SH3RF2: variants seen among roughly 807,000 people sequenced by gnomAD.
The protein encoded by SH3RF2 is SH3 domain containing ring finger 2.
In SH3RF2, 43 loss-of-function variants were observed where a neutral mutation model predicts 59.0. The observed-to-expected ratio is 0.73, with a 90% CI of 0.57 to 0.94. The LOEUF (loss-of-function observed/expected upper bound fraction) is 0.94. Among genes scored for constraint, SH3RF2 ranks in the 40% least tolerant of loss-of-function variants. The pLI is 0.00. For synonymous variants in SH3RF2, 391 were observed against 391.5 expected (o/e 1.00, Z 0.01); for missense variants, 930 against 940.1 (o/e 0.99, Z 0.14).
chr5:146,063,071 C>T lies in SH3RF2; in HGVS notation c.*370C>T, dbSNP rs1225366759. 17 of 222,260 alleles carry T rather than the reference C, an allele frequency of 7.6e-5. No homozygotes were observed. Among genetic ancestry groups the T allele is most frequent in the Admixed American group, 2.2e-4 (4 of 18,284 alleles). The allele number at this position is 222,260 out of a possible 1,614,324, so 13.8% of individuals were successfully genotyped here. On this transcript the variant is annotated 3_prime_UTR_variant, in exon 10 of 10. Coordinates refer to ENST00000359120, the MANE Select transcript of SH3RF2 (RefSeq NM_152550.4). ...GGGGGCTGCAGCAGGGGTGTGACAA[C>T]GGTGGGATTGTTGGCGTTGCTTCTT...
At chr5:145,973,933 G>A (rs960220741) in intron 2 of SH3RF2, among the ~76,000 whole-genome samples, 3 of 152,178 alleles carry the variant, frequency 2.0e-5, no homozygotes, top group African/African-American at 7.2e-5. Flanking sequence ...CACAAATTTA[G>A]AGGCATAAAA....
In SH3RF2 at chr5:145,998,961, A is replaced by G. The variant is rs138610526; in HGVS notation, c.379-1097A>G. On this transcript the variant is annotated intron_variant, in intron 2 of 9. Coordinates refer to ENST00000359120, the MANE Select transcript of SH3RF2 (RefSeq NM_152550.4). ...TGTTTACACTATGCTGTAGTCTATT[A>G]AGTGTGCAATAGCATTATGCCTAAA... is the stretch of plus-strand genomic sequence containing the variant. Among the ~76,000 whole-genome samples, 1,073 of 152,046 alleles carry G rather than the reference A, an allele frequency of 7.1e-3. 16 individuals carry two copies. Among genetic ancestry groups the G allele is most frequent in the African/African-American group, 0.025 (1,032 of 41,322 alleles).
At chr5:146,079,293 A>G (rs982178264) in exon 10 of SH3RF2, 2 of 152,156 alleles carry the variant, frequency 1.3e-5, no homozygotes, top group African/African-American at 4.8e-5. Context: ...CTTGTTTTTA[A>G]AAAAAAGACT....
In SH3RF2 at chr5:145,976,767, G is replaced by A. The variant is rs143695025; in HGVS notation, c.379-23291G>A. On this transcript the variant is annotated intron_variant, in intron 2 of 9. Coordinates refer to ENST00000359120, the MANE Select transcript of SH3RF2 (RefSeq NM_152550.4). ...CAAAATCTTGCATGCCTAAGCCATC[G>A]ATTAATAGCTGGGCTTACTAGCCAG... 1.3e-3 allele frequency among the ~76,000 whole-genome samples: 191 copies of A among 152,316 alleles called. 1 individual carries two copies. The highest frequency in any genetic ancestry group is 4.5e-3 in the African/African-American group (188 of 41,558).
chr5:146,027,649 A>G (rs534735179), intron 5 of SH3RF2, among the ~76,000 whole-genome samples: 1 of 152,354 alleles, frequency 6.6e-6, no homozygotes, highest in South Asian at 2.1e-4. Flanking sequence ...TATGTAATGG[A>G]GGGTCCACCT....
intron 5 of SH3RF2, among the ~76,000 whole-genome samples, chr5:146,024,418 TTCCTTA>T (rs1289258638): frequency 2.0e-5 from 3 of 152,280 alleles, no homozygotes; most frequent in Admixed American, 6.5e-5. Context: ...ATCATCGGGT[TTCCTTA>T]TTATTATTGA....
At chr5:146,024,959 G>T (rs1047567267) in intron 5 of SH3RF2, among the ~76,000 whole-genome samples, 1 of 152,064 alleles carries the variant, frequency 6.6e-6, no homozygotes, top group African/African-American at 2.4e-5. Flanking sequence ...CCATTAAATG[G>T]GTCCCCATTA....
intron 5 of SH3RF2, among the ~76,000 whole-genome samples, chr5:146,022,595 C>T (rs1761364245): frequency 6.6e-6 from 1 of 152,052 alleles, no homozygotes; most frequent in African/African-American, 2.4e-5. Context: ...AACAACAGGC[C>T]AGGCACGGTG....
At position 146,013,748 on chromosome 5, in the gene SH3RF2, C is replaced by T; in HGVS notation, c.746C>T (p.Pro249Leu). 2 of 1,613,526 alleles carry T rather than the reference C, an allele frequency of 1.2e-6. No individual in the cohort carries two copies. Among genetic ancestry groups the T allele is most frequent in the Non-Finnish European group, 1.7e-6 (2 of 1,179,888 alleles). Residue 249 changes from proline (P) to leucine (L), a missense_variant and splice_region_variant, in exon 5 of 10, where the codon CCA becomes CTA. Physicochemically the swap from Pro to Leu is moderately conservative, Grantham distance 98 (BLOSUM62 -3). Coordinates refer to ENST00000359120, the MANE Select transcript of SH3RF2 (RefSeq NM_152550.4). ...VGIFPILFVE[P>L]NLTARHLLEK... ...TCATTGGACCTTTTGTCTTTTCAGC[C>T]AAACCTCACCGCAAGACACCTTTTA...
At chr5:145,938,785 GC>G (rs1757700187) in intron 2 of SH3RF2, among the ~76,000 whole-genome samples, 1 of 152,138 alleles carries the variant, frequency 6.6e-6, no homozygotes, top group Admixed American at 6.5e-5. Context: ...TGCTATTATG[GC>G]AATACTCATT....
In SH3RF2 at chr5:146,062,938, T is replaced by C. The variant is rs949655608; in HGVS notation, c.*237T>C. 15 of 568,154 alleles carry C rather than the reference T, an allele frequency of 2.6e-5. No homozygotes were observed. In the South Asian group the frequency reaches 3.3e-4, roughly 13 times the overall value. 35.2% of individuals were successfully genotyped at this position (568,154 alleles called of 1,614,324 possible). On this transcript the variant is annotated 3_prime_UTR_variant, in exon 10 of 10. Transcript: ENST00000359120. Reference sequence around the variant, plus strand: ...ATTTGATGCCACAAAGCTCGCTTACTCAGACCAAGGAGTGAAAAATTGTCG... The same window carrying C: ...ATTTGATGCCACAAAGCTCGCTTACCCAGACCAAGGAGTGAAAAATTGTCG...
intron 2 of SH3RF2, among the ~76,000 whole-genome samples, chr5:145,971,421 G>C (rs1439729030): frequency 6.6e-6 from 1 of 152,122 alleles, no homozygotes; most frequent in Non-Finnish European, 1.5e-5. Context: ...CCCTACCTGT[G>C]GGCATTTCAC....
Position 146,077,173 on chromosome 5 carries a change from A to C in SH3RF2, c.*34-1287A>C, listed in dbSNP as rs1763355159. On this transcript the variant is annotated intron_variant, in intron 9 of 9. Transcript: ENST00000511217. ...TAAAGATCGAACTTCTGTTATGTGC[A>C]ATCAAACCACCTGCCCTCCCCTCAC... is the stretch of plus-strand genomic sequence containing the variant. Among the ~76,000 whole-genome samples the C allele has an allele frequency of 2.0e-5, 3 of 152,294 alleles. No individual in the cohort carries two copies. In the South Asian group the frequency reaches 6.2e-4, roughly 32 times the overall value.
rs1373540983 is a variant in SH3RF2 at position 145,997,431 on chromosome 5, G to T, written c.379-2627G>T. The T allele has an allele frequency of 7.9e-6, 11 of 1,401,122 alleles. No individual in the cohort carries two copies. In the East Asian group the frequency reaches 2.5e-4, roughly 32 times the overall value. 86.8% of individuals were successfully genotyped at this position (1,401,122 alleles called of 1,614,324 possible). A position where few individuals can be genotyped will look rare whatever the true frequency, so the allele number is the denominator to read the frequency against. ...CTACACTGCAACTGGTCATTATACTGGCTGGTGCAAGGATGTTTATGTCTT... is the reference window on the plus strand; with the variant it reads ...CTACACTGCAACTGGTCATTATACTTGCTGGTGCAAGGATGTTTATGTCTT... On this transcript the variant is annotated intron_variant, in intron 2 of 9. Coordinates refer to ENST00000359120, the MANE Select transcript of SH3RF2 (RefSeq NM_152550.4).
intron 5 of SH3RF2, among the ~76,000 whole-genome samples, chr5:146,037,637 T>C (rs1212794670): frequency 6.6e-6 from 1 of 152,176 alleles, no homozygotes; most frequent in Non-Finnish European, 1.5e-5. Context: ...TAAACAACTC[T>C]TAAAAACCCT....
At chr5:146,042,209 A>C (rs1009687743) in intron 5 of SH3RF2, among the ~76,000 whole-genome samples, 1 of 152,140 alleles carries the variant, frequency 6.6e-6, no homozygotes, top group African/African-American at 2.4e-5. Flanking sequence ...AGAAGAGAGA[A>C]GCAAGGTTGC....
intron 3 of SH3RF2, among the ~76,000 whole-genome samples, chr5:146,000,550 C>T (rs1580839629): frequency 1.3e-5 from 2 of 152,228 alleles, no homozygotes; most frequent in South Asian, 2.1e-4. Flanking sequence ...ACTACATGCA[C>T]GTGAAATCTC....
chr5:146,021,765 G>A (rs1761328826), intron 5 of SH3RF2, among the ~76,000 whole-genome samples: 1 of 152,166 alleles, frequency 6.6e-6, no homozygotes, highest in African/African-American at 2.4e-5. Flanking sequence ...GCCACCCAGA[G>A]ATACAGTGTT....
intron 5 of SH3RF2, among the ~76,000 whole-genome samples, chr5:146,018,480 A>G (rs1761188637): frequency 6.6e-6 from 1 of 151,964 alleles, no homozygotes; most frequent in Non-Finnish European, 1.5e-5. Context: ...GTATGTATGT[A>G]TATCTATATA....
Sources: gnomAD v4.1 joint callset for allele counts (sites outside exome capture counted in the v4.1 genomes callset) on GRCh38, gnomAD v4.1.1 for gene constraint, MANE v1.5 for transcripts, NCBI Gene and HGNC (gene_info 2026-07-23, HGNC 2026-07-21) for gene names.